GPC5: variants seen among roughly 807,000 people sequenced by gnomAD.
GPC5 encodes the protein glypican-5.
In GPC5, 47 loss-of-function variants were observed where a neutral mutation model predicts 53.9. That is an observed-to-expected ratio of 0.87 (90% CI 0.69 to 1.11). The LOEUF (loss-of-function observed/expected upper bound fraction) is 1.11. GPC5 is among the 50% of genes most tolerant of loss of function. The pLI, the probability that GPC5 is intolerant of heterozygous loss-of-function variation, is 0.00. For missense variants in GPC5, 748 were observed against 713.1 expected, an observed-to-expected ratio of 1.05 and a Z score of -0.56; for synonymous variants, 286 against 263.3, an observed-to-expected ratio of 1.09 and a Z score of -0.84.
intron 7 of GPC5, among the ~76,000 whole-genome samples, chr13:92,295,785 A>C (rs1237349840): frequency 6.6e-6 from 1 of 152,054 alleles, no homozygotes; most frequent in Non-Finnish European, 1.5e-5. Context: ...ACTCCTGCTC[A>C]TTTTTGGTGT....
intron 3 of GPC5, among the ~76,000 whole-genome samples, chr13:91,709,854 C>A (rs1303725721): frequency 6.6e-6 from 1 of 152,178 alleles, no homozygotes; most frequent in Non-Finnish European, 1.5e-5. Context: ...TGGACCACAG[C>A]AATTGTCTCC....
intron 7 of GPC5, among the ~76,000 whole-genome samples, chr13:92,476,544 G>C (rs1407935898): frequency 6.6e-5 from 10 of 151,420 alleles, no homozygotes; most frequent in African/African-American, 2.5e-4. Flanking sequence ...CCATTACTGG[G>C]TATATACCCA....
At chr13:92,302,213 T>C (rs1325632110) in intron 7 of GPC5, among the ~76,000 whole-genome samples, 5 of 152,148 alleles carry the variant, frequency 3.3e-5, no homozygotes, top group African/African-American at 9.7e-5. Context: ...TTAATTAATA[T>C]TATACTTAAC....
chr13:91,731,495 T>C (rs2036696525), intron 4 of GPC5, among the ~76,000 whole-genome samples: 1 of 152,082 alleles, frequency 6.6e-6, no homozygotes. Flanking sequence ...TTTTAGGTGG[T>C]TTATTTTATT....
chr13:92,673,055 CA>C (rs911921707), intron 7 of GPC5, among the ~76,000 whole-genome samples: 2 of 151,616 alleles, frequency 1.3e-5, no homozygotes, highest in African/African-American at 4.8e-5. Context: ...AAAAAGAAAG[CA>C]AAAAAACTCA....
At chr13:91,760,075 A>G (rs141802068) in intron 5 of GPC5, among the ~76,000 whole-genome samples, 2,323 of 152,230 alleles carry the variant, frequency 0.015, 23 homozygotes, top group Non-Finnish European at 0.024. Flanking sequence ...TTAAAGTGAT[A>G]CAAGAATTAT....
At chr13:91,718,274 C>T (rs1011629948) in intron 3 of GPC5, among the ~76,000 whole-genome samples, 2 of 151,978 alleles carry the variant, frequency 1.3e-5, no homozygotes, top group Admixed American at 1.3e-4. Context: ...CCACGCGTGG[C>T]TAATTTTTTG....
At chr13:91,648,708 G>GCACA (rs61319601) in intron 2 of GPC5, among the ~76,000 whole-genome samples, 7 of 151,748 alleles carry the variant, frequency 4.6e-5, no homozygotes, top group African/African-American at 1.7e-4. Context: ...ACACATGCAT[G>GCACA]CACACACACA....
intron 6 of GPC5, among the ~76,000 whole-genome samples, chr13:91,978,026 A>G (rs554262949): frequency 1.3e-5 from 2 of 152,238 alleles, no homozygotes; most frequent in East Asian, 3.9e-4. Flanking sequence ...AGTGGTGTAC[A>G]CTTGTAGTCC....
At chr13:92,499,064 A>C (rs767246311) in intron 7 of GPC5, among the ~76,000 whole-genome samples, 23 of 152,090 alleles carry the variant, frequency 1.5e-4, no homozygotes, top group Non-Finnish European at 2.5e-4. Context: ...GGACCAAGTG[A>C]AGAAAAATAG....
chr13:92,524,745 T>A (rs544236745), intron 7 of GPC5, among the ~76,000 whole-genome samples: 1 of 152,216 alleles, frequency 6.6e-6, no homozygotes, highest in African/African-American at 2.4e-5. Context: ...AAGTAGTTAT[T>A]GCTTATATTT....
chr13:92,427,315 T>C (rs2139369760), intron 7 of GPC5, among the ~76,000 whole-genome samples: 1 of 149,188 alleles, frequency 6.7e-6, no homozygotes, highest in Non-Finnish European at 1.5e-5. Flanking sequence ...TGCAGTTGAC[T>C]GGTAAATAAC....
chr13:92,541,634 C>T (rs1242210075), intron 7 of GPC5, among the ~76,000 whole-genome samples: 1 of 151,584 alleles, frequency 6.6e-6, no homozygotes, highest in Non-Finnish European at 1.5e-5. Context: ...TTAATGAAAC[C>T]TACTTTATTG....
Position 91,675,833 on chromosome 13 carries a change from C to T in GPC5, c.326-17354C>T, listed in dbSNP as rs551098558. On this transcript the variant is annotated intron_variant, in intron 2 of 7. Coordinates refer to ENST00000377067, the MANE Select transcript of GPC5 (RefSeq NM_004466.6). ...AGCAGAGGGCAGGGGAACAAGGAGG[C>T]GGGAGATGAAAGAGTGGAGGAGATA... Among the ~76,000 whole-genome samples the T allele has an allele frequency of 1.0e-3, 159 of 152,126 alleles. 11 individuals carry two copies. Among genetic ancestry groups the T allele is most frequent in the East Asian group, 1.2e-3 (6 of 5,172 alleles).
chr13:92,148,802 C>T (rs1423638641), intron 7 of GPC5, among the ~76,000 whole-genome samples: 1 of 152,052 alleles, frequency 6.6e-6, no homozygotes, highest in Non-Finnish European at 1.5e-5. Context: ...CAGAACGAAT[C>T]TAATATTAAA....
chr13:92,494,081 T>TTTG lies in GPC5; in HGVS notation c.1561+349094_1561+349095insGTT, dbSNP rs147820561. Among the ~76,000 whole-genome samples, 6 of 140,348 alleles carry TTTG rather than the reference T, an allele frequency of 4.3e-5. No homozygotes were observed. The East Asian group carries it at 1.3e-3, about 30-fold the overall frequency. 92.1% of individuals were successfully genotyped at this position (140,348 alleles called of 152,430 possible). On this transcript the variant is annotated intron_variant, in intron 7 of 7. Transcript: ENST00000377067. ...TTTTTTTTGTTTGTTTGTTTGTTTG[T>TTTG]TTTGTTTTGTTTTGTTTTGTTTTTT...
rs73609146 is a variant in GPC5, at chr13:91,765,785, A to T, written c.1280+9365A>T. 4.1e-3 allele frequency among the ~76,000 whole-genome samples: 617 copies of T among 152,338 alleles called. 4 individuals are homozygous for T. Among genetic ancestry groups the T allele is most frequent in the African/African-American group, 0.014 (569 of 41,570 alleles). ...GAGGTAATATGTGATATGAGTTTTCATTCAATTAAAATAAATTCTTTAAAA... is the reference window on the plus strand; with the variant it reads ...GAGGTAATATGTGATATGAGTTTTCTTTCAATTAAAATAAATTCTTTAAAA... On this transcript the variant is annotated intron_variant, in intron 5 of 7. Coordinates refer to ENST00000377067, the MANE Select transcript of GPC5 (RefSeq NM_004466.6).
intron 3 of GPC5, among the ~76,000 whole-genome samples, chr13:91,707,944 A>G (rs1266192015): frequency 2.6e-5 from 4 of 152,228 alleles, no homozygotes; most frequent in Non-Finnish European, 5.9e-5. Flanking sequence ...AAAATGTTCT[A>G]TATACATATA....
intron 2 of GPC5, among the ~76,000 whole-genome samples, chr13:91,540,664 T>G (rs1312018155): frequency 6.6e-6 from 1 of 152,220 alleles, no homozygotes; most frequent in East Asian, 1.9e-4. Flanking sequence ...GCAGTGTAAA[T>G]AGATGGACTT....
Sources: allele counts gnomAD v4.1 joint callset (sites outside exome capture counted in the v4.1 genomes callset), GRCh38; gene constraint gnomAD v4.1.1; transcripts MANE v1.5; gene names NCBI Gene and HGNC (gene_info 2026-07-23, HGNC 2026-07-21).